The following PLEC variants were observed in gnomAD, a reference collection of about 807,000 sequenced individuals.
The protein encoded by PLEC is hemidesmosomal protein 1.
In PLEC, 216 loss-of-function variants were observed where a neutral mutation model predicts 392.8. The observed-to-expected ratio is 0.55, with a 90% CI of 0.49 to 0.62. The LOEUF (loss-of-function observed/expected upper bound fraction) is 0.62, where lower values mean the gene tolerates loss of function less well. Among genes scored for constraint, PLEC ranks in the 20% least tolerant of loss-of-function variants. The pLI is 0.00. For synonymous variants in PLEC, 3,621 were observed against 2,980.6 expected, an observed-to-expected ratio of 1.21 and a Z score of -7.00; for missense variants, 6,863 against 6,563.4, an observed-to-expected ratio of 1.05 and a Z score of -1.58.
In PLEC at chr8:143,937,384, C is replaced by T. The variant is rs189026752; in HGVS notation, c.265-142G>A. ...CCCTCATCCCAGGTTCACCCTCCCC[C>T]GCAGGGAAAGGGAGGCCACCGGCCC... is the stretch of plus-strand genomic sequence containing the variant. On this transcript the variant is annotated intron_variant, in intron 3 of 31. Coordinates refer to ENST00000345136, the MANE Select transcript of PLEC (RefSeq NM_201384.3). 6.2e-4 allele frequency: 430 copies of T among 691,928 alleles called. 2 individuals are homozygous for T. The East Asian group carries it at 9.5e-3, about 15-fold the overall frequency. The allele number at this position is 691,928 out of a possible 1,614,324, so 42.9% of individuals were successfully genotyped here.
At position 143,925,147 on chromosome 8, in the gene PLEC, G is replaced by C; in HGVS notation, c.4782C>G (p.Arg1594=). Residue 1594 remains arginine, a synonymous_variant, in exon 31 of 32, where the codon CGC becomes CGG. Coordinates refer to ENST00000345136, the MANE Select transcript of PLEC (RefSeq NM_201384.3). ...CAGCCACGTGTTCCTCCTGCAGGGA[G>C]CGCTCCAGCTGTGCCGTCTTCTCGG... ...SFAEKTAQLE[R]SLQEEHVAVA... is the part of the protein sequence containing the mutation. 6.4e-7 allele frequency: 1 copy of C among 1,558,300 alleles called. No individual in the cohort carries two copies. Among genetic ancestry groups the C allele is most frequent in the Admixed American group, 1.8e-5 (1 of 54,532 alleles).
chr8:143,920,215 G>A lies in PLEC; in HGVS notation c.9606C>T (p.Asp3202=), dbSNP rs1276342995. The A allele has an allele frequency of 6.2e-7, 1 of 1,607,294 alleles. No homozygotes were observed. The highest frequency in any genetic ancestry group is 8.5e-7 in the Non-Finnish European group (1 of 1,179,360). ...GCAGCAGGCTCAGCCCGGTCAGCTG[G>A]TCGGGCCGGCACCGCTGCTGGAGCT... ...YGELQQRCRP[D]QLTGLSLLPL... Residue 3202 remains aspartate (D), a synonymous_variant, in exon 32 of 32, where the codon GAC becomes GAT. Coordinates refer to ENST00000345136, the MANE Select transcript of PLEC (RefSeq NM_201384.3).
At chr8:143,952,720 C>T (rs1039082283), upstream of PLEC, among the ~76,000 whole-genome samples, 1 of 152,180 alleles carries the variant, frequency 6.6e-6, no homozygotes, top group Non-Finnish European at 1.5e-5. Flanking sequence ...GCACGTGGAC[C>T]TAGGTTCTCT....
chr8:143,975,994 C>T (rs1488040047), upstream of PLEC, among the ~76,000 whole-genome samples: 1 of 152,212 alleles, frequency 6.6e-6, no homozygotes, highest in Non-Finnish European at 1.5e-5. This position sits in a 1 kb window ranked among gnomAD's most constrained non-coding sequence, Gnocchi z 9.9. Context: ...CCCCTGGACA[C>T]CGGCAGTCCA....
chr8:143,936,790 C>T (rs1461740977), intron 5 of PLEC, among the ~76,000 whole-genome samples, 189 bp downstream of exon 5: 1 of 152,192 alleles, frequency 6.6e-6, no homozygotes, highest in African/African-American at 2.4e-5. Context: ...GAGGCCTGTA[C>T]CCTCAGGCCA....
chr8:143,943,810 G>C (rs1554730555), upstream of PLEC: 1 of 1,612,318 alleles, frequency 6.2e-7, no homozygotes, highest in South Asian at 1.1e-5. Context: ...GACGTCCCCT[G>C]CGCCAGTGCC....
intron 1 of PLEC, among the ~76,000 whole-genome samples, chr8:143,961,319 A>G (rs1221224262): frequency 2.0e-5 from 3 of 151,194 alleles, no homozygotes; most frequent in Non-Finnish European, 2.9e-5. Flanking sequence ...TCCGCCTCCC[A>G]GGTTCAAGTG....
At chr8:143,928,515 C>T (rs1242028463) in intron 25 of PLEC, among the ~76,000 whole-genome samples, 4 of 105,072 alleles carry the variant, frequency 3.8e-5, no homozygotes, top group South Asian at 3.3e-4. Flanking sequence ...GAGTAGACAG[C>T]GGGTGGACCT....
upstream of PLEC, chr8:143,975,393 G>T: frequency 6.2e-7 from 1 of 1,600,036 alleles, no homozygotes; most frequent in Non-Finnish European, 8.5e-7. This position sits in a 1 kb window ranked among gnomAD's most constrained non-coding sequence, Gnocchi z 9.9. Flanking sequence ...GGGAGCAGGA[G>T]GGGTCACATC....
chr8:143,917,461 C>T lies in PLEC; in HGVS notation c.12360G>A (p.Pro4120=), dbSNP rs146781600. The T allele has an allele frequency of 0.013, 20,391 of 1,613,726 alleles. 137 individuals carry two copies. The highest frequency in any genetic ancestry group is 0.015 in the Non-Finnish European group (18,100 of 1,180,024). ...TCCGCTCCCGCTTCTTCTCCTTCAGCGGCAAGAGACACAGGCCCGTCTGGG... is the reference window on the plus strand; with the variant it reads ...TCCGCTCCCGCTTCTTCTCCTTCAGTGGCAAGAGACACAGGCCCGTCTGGG... ...TDPQTGLCLL[P]LKEKKRERKT... The change falls in exon 32 of 32, where the codon CCG becomes CCA. Residue 4120 remains proline, a synonymous_variant. Coordinates refer to ENST00000345136, the MANE Select transcript of PLEC (RefSeq NM_201384.3).
intron 16 of PLEC, 53 bp from the exon 17 acceptor site, chr8:143,932,287 A>G: frequency 6.2e-7 from 1 of 1,608,120 alleles, no homozygotes; most frequent in Non-Finnish European, 8.5e-7. Context: ...CGGCTCTGCC[A>G]CGCTCCCAGC....
Position 143,932,141 on chromosome 8 carries a change from G to A in PLEC, c.2071C>T (p.Pro691Ser), listed in dbSNP as rs1554716399. Residue 691 changes from proline (P) to serine (S), a missense_variant, in exon 17 of 32, where the codon CCC becomes TCC. Transcript: ENST00000345136. ...RLLREDHPARPTVESFQAALQ... is the reference protein window; with the variant it reads ...RLLREDHPARSTVESFQAALQ... The stretch of plus-strand genomic sequence containing the variant: ...CCAGGGAGCCCCACCTCCACCGTGG[G>A]CCGGGCCGGGTGGTCCTCCCGCAGC... 3 of 1,609,956 alleles carry A rather than the reference G, an allele frequency of 1.9e-6. No individual in the cohort carries two copies. Among genetic ancestry groups the A allele is most frequent in the Non-Finnish European group, 2.5e-6 (3 of 1,179,588 alleles).
chr8:143,959,588 C>G (rs1036331892), intron 1 of PLEC, among the ~76,000 whole-genome samples: 10 of 152,260 alleles, frequency 6.6e-5, no homozygotes, highest in Non-Finnish European at 1.5e-4. Flanking sequence ...GGCCATGTGA[C>G]TTGTCTGAAG....
In PLEC at chr8:143,920,328, C is replaced by T. The variant is rs1554681420; in HGVS notation, c.9493G>A (p.Glu3165Lys). 6.3e-7 allele frequency: 1 copy of T among 1,593,230 alleles called. No homozygotes were observed. Among genetic ancestry groups the T allele is most frequent in the South Asian group, 1.1e-5 (1 of 89,976 alleles). ...GCCGACAGGGCCCTGCTGGTCTCCT[C>T]ATCCAGGCAGCCTCGGGCGCAGGCG... is the stretch of plus-strand genomic sequence containing the variant. ...DVACARGCLD[E>K]ETSRALSAPR... The change falls in exon 32 of 32, where the codon GAG becomes AAG. Residue 3165 changes from glutamate (E) to lysine (K), a missense_variant. By Grantham distance (56) the Glu-to-Lys change is moderately conservative (BLOSUM62 1). Coordinates refer to ENST00000345136, the MANE Select transcript of PLEC (RefSeq NM_201384.3).
rs544150240 is a variant in PLEC, at chr8:143,935,258, C to A, written c.658G>T (p.Asp220Tyr). ...CGCTCCGCCACAGAGAAGGCCTGGTCCAGGTTCTCCAGGTTGGTCTGCCGG... is the reference window on the plus strand; with the variant it reads ...CGCTCCGCCACAGAGAAGGCCTGGTACAGGTTCTCCAGGTTGGTCTGCCGG... ...VYRQTNLENLDQAFSVAERDL... is the reference protein window; with the variant it reads ...VYRQTNLENLYQAFSVAERDL... Residue 220 changes from aspartate to tyrosine, a missense_variant, in exon 7 of 32, where the codon GAC becomes TAC. Physicochemically the swap from Asp to Tyr is radical, Grantham distance 160. Transcript: ENST00000345136. 4 of 1,611,542 alleles carry A rather than the reference C, an allele frequency of 2.5e-6. No homozygotes were observed. Among genetic ancestry groups the A allele is most frequent in the South Asian group, 1.1e-5 (1 of 91,054 alleles).
At chr8:143,950,020 C>A (rs1310022813) in intron 1 of PLEC, among the ~76,000 whole-genome samples, 1 of 152,200 alleles carries the variant, frequency 6.6e-6, no homozygotes, top group African/African-American at 2.4e-5. Flanking sequence ...CATCAGCAAG[C>A]GCACCCCCTG....
intron 30 of PLEC, among the ~76,000 whole-genome samples, chr8:143,926,319 G>C (rs1226523917): frequency 1.3e-5 from 2 of 152,202 alleles, no homozygotes. Context: ...GAGGCGGCCA[G>C]CGTGGAGACA....
At position 143,919,986 on chromosome 8, in the gene PLEC, C is replaced by T. The variant is rs200407723; in HGVS notation, c.9835G>A (p.Val3279Ile). 4 of 1,613,356 alleles carry T rather than the reference C, an allele frequency of 2.5e-6. No individual in the cohort carries two copies. The Admixed American group carries it at 6.7e-5, about 27-fold the overall frequency. The change falls in exon 32 of 32, where the codon GTC becomes ATC. Residue 3279 changes from valine (V) to isoleucine (I), a missense_variant. Physicochemically the swap from Val to Ile is conservative, Grantham distance 29 (BLOSUM62 3). Transcript: ENST00000345136. ...ATCTTGATGACCTTCTCCACGGTGA[C>T]CTTGCCCGTGCGGAACTGACGCAAC... is the stretch of plus-strand genomic sequence containing the variant. ...ELLRQFRTGKVTVEKVIKILI... is the reference protein window; with the variant it reads ...ELLRQFRTGKITVEKVIKILI...
Position 143,920,213 on chromosome 8 carries a change from T to TGGTCGGGCC in PLEC, c.9599_9607dup (p.Arg3200_Asp3202dup), listed in dbSNP as rs782633303. The TGGTCGGGCC allele has an allele frequency of 1.3e-5, 21 of 1,607,594 alleles. No individual in the cohort carries two copies. In the Admixed American group the frequency reaches 2.3e-4, roughly 18 times the overall value. On this transcript the variant is annotated inframe_insertion, in exon 32 of 32. Transcript: ENST00000345136. Reference sequence around the variant, plus strand: ...CGGCAGCAGGCTCAGCCCGGTCAGCTGGTCGGGCCGGCACCGCTGCTGGAG... The same window carrying TGGTCGGGCC: ...CGGCAGCAGGCTCAGCCCGGTCAGCTGGTCGGGCCGGTCGGGCCGGCACCGCTGCTGGAG...
Sources: allele counts gnomAD v4.1 joint callset (sites outside exome capture counted in the v4.1 genomes callset), GRCh38; gene constraint gnomAD v4.1.1; non-coding constraint Gnocchi (gnomAD v3.1); transcripts MANE v1.5; gene names NCBI Gene and HGNC (gene_info 2026-07-23, HGNC 2026-07-21).